The following CD300LF variants were observed in gnomAD, a reference collection of about 807,000 sequenced individuals.
CD300LF encodes CMRF35-like molecule 1.
In CD300LF, 27 loss-of-function variants were observed where a neutral mutation model predicts 32.2. That is an observed-to-expected ratio of 0.84 (90% confidence interval 0.62 to 1.15). The LOEUF is 1.15. Ranked by LOEUF, CD300LF falls within the 50% of genes most tolerant of loss-of-function variation. The pLI is 0.00. For synonymous variants in CD300LF, 139 were observed against 143.2 expected (o/e 0.97, Z 0.21); for missense variants, 348 against 356.8 (o/e 0.98, Z 0.20).
chr17:74,710,589 T>A (rs1054344902), intron 1 of CD300LF, among the ~76,000 whole-genome samples: 1 of 151,788 alleles, frequency 6.6e-6, no homozygotes, highest in Non-Finnish European at 1.5e-5. Flanking sequence ...CTGGGCGCGG[T>A]GGCTCACGCC....
chr17:74,702,651 G>A (rs546475092), intron 3 of CD300LF, among the ~76,000 whole-genome samples: 11 of 152,136 alleles, frequency 7.2e-5, no homozygotes, highest in Admixed American at 1.3e-4. Flanking sequence ...ATGACCCCAC[G>A]CCCACACTCA....
In CD300LF at chr17:74,711,099, T is replaced by C. The variant is rs561705474; in HGVS notation, c.43+1725A>G. Among the ~76,000 whole-genome samples, 102 of 152,266 alleles carry C rather than the reference T, an allele frequency of 6.7e-4. 2 individuals carry two copies. In the South Asian group the frequency reaches 0.018, roughly 27 times the overall value. On this transcript the variant is annotated intron_variant, in intron 1 of 6. Coordinates refer to ENST00000326165, the MANE Select transcript of CD300LF (RefSeq NM_139018.5). The stretch of plus-strand genomic sequence containing the variant: ...CAAACTTCCGGATGGGTATTTTTTT[T>C]CTTGGGTGTTTTAAAACGATAAATT...
chr17:74,698,695 G>A, intron 3 of CD300LF: 1 of 1,231,736 alleles, frequency 8.1e-7, no homozygotes, highest in South Asian at 1.7e-5. Context: ...AGAGACACCA[G>A]GGCCTACTTG....
intron 1 of CD300LF, among the ~76,000 whole-genome samples, chr17:74,708,074 G>A (rs1197022259): frequency 6.6e-6 from 1 of 150,784 alleles, no homozygotes; most frequent in Non-Finnish European, 1.5e-5. Flanking sequence ...CTTGAACCCA[G>A]GAGGTGGAAG....
At chr17:74,711,444 T>TA (rs774857219) in intron 1 of CD300LF, among the ~76,000 whole-genome samples, 89 of 152,330 alleles carry the variant, frequency 5.8e-4, no homozygotes, top group Non-Finnish European at 5.3e-4. Context: ...CTTCTCCACT[T>TA]ACATGCTGAA....
chr17:74,697,803 A>G (rs1340754409), intron 4 of CD300LF, among the ~76,000 whole-genome samples: 1 of 152,148 alleles, frequency 6.6e-6, no homozygotes, highest in African/African-American at 2.4e-5. Flanking sequence ...CAAGGGAGGG[A>G]CAGAAGGAAA....
At chr17:74,705,431 C>T (rs1287811990) in intron 1 of CD300LF, 1 of 509,092 alleles carries the variant, frequency 2.0e-6, no homozygotes, top group African/African-American at 1.9e-5. Context: ...TGCTTTGACC[C>T]CTTTGTCAAA....
intron 1 of CD300LF, among the ~76,000 whole-genome samples, chr17:74,707,064 C>A (rs1307535284): frequency 6.6e-6 from 1 of 152,194 alleles, no homozygotes; most frequent in Non-Finnish European, 1.5e-5. Flanking sequence ...AGCTCCACAA[C>A]ATTGGTCTTG....
Position 74,710,903 on chromosome 17 carries a change from G to A in CD300LF, c.43+1921C>T, listed in dbSNP as rs140627780. On this transcript the variant is annotated intron_variant, in intron 1 of 6. Coordinates refer to ENST00000326165, the MANE Select transcript of CD300LF (RefSeq NM_139018.5). ...CAAAAAATCTGTTCTTGCCAGGCAC[G>A]GTGGCTCATGCTTTTAATCCCAGCA... Among the ~76,000 whole-genome samples, 668 of 151,696 alleles carry A rather than the reference G, an allele frequency of 4.4e-3. 6 individuals are homozygous for A. Among genetic ancestry groups the A allele is most frequent in the Middle Eastern group, 6.8e-3 (2 of 294 alleles).
At chr17:74,696,935 T>TTTGGC (rs1413686762) in intron 4 of CD300LF, among the ~76,000 whole-genome samples, 1 of 151,658 alleles carries the variant, frequency 6.6e-6, no homozygotes, top group East Asian at 1.9e-4. Flanking sequence ...TTTGGTTTGG[T>TTTGGC]TTGGTTTGGT....
chr17:74,702,749 G>A (rs1232833058), intron 3 of CD300LF, among the ~76,000 whole-genome samples: 1 of 152,196 alleles, frequency 6.6e-6, no homozygotes, highest in African/African-American at 2.4e-5. Context: ...TGTCCCCAGA[G>A]CTCAGCACGG....
At chr17:74,704,363 A>G (rs2033333580) in intron 2 of CD300LF, 115 bp downstream of exon 2, 1 of 782,206 alleles carries the variant, frequency 1.3e-6, no homozygotes. Flanking sequence ...GTTCTATGAG[A>G]CTCGGGACTC....
intron 1 of CD300LF, among the ~76,000 whole-genome samples, chr17:74,711,828 T>C (rs2033983493): frequency 6.6e-6 from 1 of 152,162 alleles, no homozygotes; most frequent in Non-Finnish European, 1.5e-5. Flanking sequence ...TGTTCTGTTT[T>C]CCTCACAGTA....
At chr17:74,703,222 C>G (rs1213981118) in intron 2 of CD300LF, 124 bp from the exon 3 acceptor site, 1 of 1,203,234 alleles carries the variant, frequency 8.3e-7, no homozygotes, top group Non-Finnish European at 1.2e-6. Context: ...GCACACAGCT[C>G]TGAGCCTGGG....
intron 2 of CD300LF, 34 bp downstream of exon 2, chr17:74,704,444 T>G: frequency 6.8e-7 from 1 of 1,469,400 alleles, no homozygotes; most frequent in South Asian, 1.2e-5. Flanking sequence ...GAGCAGGCCC[T>G]GAGAGACACA....
At chr17:74,711,844 C>G (rs1422955820) in intron 1 of CD300LF, among the ~76,000 whole-genome samples, 1 of 151,842 alleles carries the variant, frequency 6.6e-6, no homozygotes, top group East Asian at 1.9e-4. Flanking sequence ...CAGTACTTAT[C>G]ACTTCTCACT....
intron 2 of CD300LF, chr17:74,704,267 C>T: frequency 1.7e-6 from 1 of 575,360 alleles, no homozygotes; most frequent in Non-Finnish European, 3.1e-6. Flanking sequence ...CCTAGAAAGG[C>T]TTAATCCCGT....
chr17:74,710,852 G>A (rs1598287328), intron 1 of CD300LF, among the ~76,000 whole-genome samples: 2 of 151,734 alleles, frequency 1.3e-5, no homozygotes, highest in Admixed American at 6.6e-5. Flanking sequence ...GAGTGACAGA[G>A]CGAGACTCTG....
intron 2 of CD300LF, 92 bp downstream of exon 2, chr17:74,704,386 A>C (rs1256870712): frequency 1.1e-6 from 1 of 919,976 alleles, no homozygotes; most frequent in Non-Finnish European, 1.7e-6. Context: ...GTGATAGATC[A>C]CTCAGTGACA....
Sources: allele counts gnomAD v4.1 joint callset (sites outside exome capture counted in the v4.1 genomes callset), GRCh38; gene constraint gnomAD v4.1.1; transcripts MANE v1.5; gene names NCBI Gene and HGNC (gene_info 2026-07-23, HGNC 2026-07-21).